The following CCNL2 variants were observed in gnomAD, a reference collection of about 807,000 sequenced individuals.
The protein encoded by CCNL2 is cyclin L2, also known as cyclin-L2.
A neutral mutation model predicts 59.1 loss-of-function variants in CCNL2; 28 were observed. That is an observed-to-expected ratio of 0.47 (90% CI 0.35 to 0.65). The LOEUF is 0.65. Among genes scored for constraint, CCNL2 ranks in the 30% least tolerant of loss-of-function variants. The probability of loss-of-function intolerance (pLI) is 0.00; values close to 1 mark genes in which losing one functional copy is unlikely to be tolerated. For missense variants in CCNL2, 714 were observed against 717.4 expected (o/e 1.00, Z 0.05); for synonymous variants, 342 against 288.6 (o/e 1.19, Z -1.88).
In CCNL2 at chr1:1,390,320, C is replaced by G; in HGVS notation, c.916G>C (p.Glu306Gln). 1 of 1,613,948 alleles carries G rather than the reference C, an allele frequency of 6.2e-7. No homozygotes were observed. The highest frequency in any genetic ancestry group is 1.6e-4 in the Middle Eastern group (1 of 6,062). ...GEVEKRKHAI[E>Q]EAKAQARGLL... is the part of the protein sequence containing the mutation. ...CCCCGGGCTTGGGCCTTTGCCTCTT[C>G]GATAGCGTGCTTTCTTTTTTCCACT... is the stretch of plus-strand genomic sequence containing the variant. Residue 306 changes from glutamate (E) to glutamine (Q), a missense_variant, in exon 8 of 11, where the codon GAA becomes CAA. Transcript: ENST00000400809.
chr1:1,397,144 C>T (rs1007372697), intron 3 of CCNL2, among the ~76,000 whole-genome samples: 2 of 152,172 alleles, frequency 1.3e-5, no homozygotes, highest in African/African-American at 4.8e-5. Context: ...GGCCTCCCAA[C>T]GTGCTGGGAT....
chr1:1,395,322 T>C (rs1305397694), intron 4 of CCNL2, 72 bp downstream of exon 4: 2 of 1,569,216 alleles, frequency 1.3e-6, no homozygotes, highest in African/African-American at 1.4e-5. Flanking sequence ...TCAACTGCAC[T>C]GAGGTGGAGA....
At chr1:1,391,509 A>T (rs746190097) in intron 5 of CCNL2, 7 of 1,300,796 alleles carry the variant, frequency 5.4e-6, no homozygotes, top group Non-Finnish European at 6.1e-6. Flanking sequence ...GAGACTCCGC[A>T]CCCAAGGGCA....
In CCNL2 at chr1:1,399,078, G is replaced by A. The variant is rs747975946; in HGVS notation, c.229C>T (p.Leu77Phe). 117 of 1,611,322 alleles carry A rather than the reference G, an allele frequency of 7.3e-5. No homozygotes were observed. The highest frequency in any genetic ancestry group is 9.2e-5 in the Non-Finnish European group (109 of 1,179,336). Residue 77 changes from leucine to phenylalanine, a missense_variant, in exon 1 of 11, where the codon CTC becomes TTC. Transcript: ENST00000400809. Reference sequence around the variant, plus strand: ...ATGAGCTCGCAGCCCACCACGCGGAGGTCGGTCTCTGTGTCGGTGTCGAGG... The same window carrying A: ...ATGAGCTCGCAGCCCACCACGCGGAAGTCGGTCTCTGTGTCGGTGTCGAGG... ...SGLDTDTETD[L>F]RVVGCELIQA...
In CCNL2 at chr1:1,398,854, G is replaced by A. The variant is rs1010825182; in HGVS notation, c.288+165C>T. The A allele has an allele frequency of 2.9e-6, 4 of 1,357,746 alleles. No individual in the cohort carries two copies. In the African/African-American group the frequency reaches 4.4e-5, roughly 15 times the overall value. 84.1% of individuals were successfully genotyped at this position (1,357,746 alleles called of 1,614,324 possible). ...GCGCACTGGCGGGCGGGGAGGCCCC[G>A]GGTCAGGGGCATGGGCTGGCTAGGG... On this transcript the variant is annotated intron_variant, in intron 1 of 10. Transcript: ENST00000400809.
At position 1,399,185 on chromosome 1, in the gene CCNL2, A is replaced by T. The variant is rs759092412; in HGVS notation, c.122T>A (p.Leu41Gln). Residue 41 changes from leucine to glutamine, a missense_variant, in exon 1 of 11, where the codon CTG becomes CAG. Leu to Gln is a moderately radical substitution (Grantham distance 113). This residue lies in a region of CCNL2 where 270 missense variants were observed against 254.9 expected (regional missense o/e 1.06). Coordinates refer to ENST00000400809, the MANE Select transcript of CCNL2 (RefSeq NM_030937.6). ...GSQGVLIGDRLYSGVLITLEN... is the reference protein window; with the variant it reads ...GSQGVLIGDRQYSGVLITLEN... ...CAAGGTGATGAGCACCCCGGAGTAC[A>T]GCCTGTCCCCGATCAGCACCCCCTG... 43 of 1,610,094 alleles carry T rather than the reference A, an allele frequency of 2.7e-5. No individual in the cohort carries two copies. The highest frequency in any genetic ancestry group is 3.3e-5 in the Non-Finnish European group (39 of 1,178,832).
chr1:1,391,642 A>G, intron 5 of CCNL2: 3 of 879,812 alleles, frequency 3.4e-6, no homozygotes, highest in Non-Finnish European at 4.9e-6. Context: ...ACTGAGAAGC[A>G]ACATAATACT....
Position 1,398,309 on chromosome 1 carries a change from T to A in CCNL2, c.397A>T (p.Lys133Ter). The change falls in exon 3 of 11, where the codon AAG becomes TAG. Residue 133 changes from lysine to a stop codon, truncating the protein, a stop_gained. Coordinates refer to ENST00000400809, the MANE Select transcript of CCNL2 (RefSeq NM_030937.6). LOFTEE classifies it high-confidence loss of function. ...VSMACVHLAS[K>*]IEEAPRRIRD... ...ATGCGTCTTGGGGCCTCTTCTATCT[T>A]GGAAGCCAGGTGGACACAGGCCATT... 6.2e-7 allele frequency: 1 copy of A among 1,614,188 alleles called. No individual in the cohort carries two copies. Among genetic ancestry groups the A allele is most frequent in the African/African-American group, 1.3e-5 (1 of 75,054 alleles).
intron 8 of CCNL2, 101 bp downstream of exon 8, chr1:1,390,129 A>AG: frequency 8.2e-7 from 1 of 1,222,172 alleles, no homozygotes; most frequent in Non-Finnish European, 1.1e-6. Context: ...AAAAAAAAAA[A>AG]AAAATGTCTG....
At position 1,390,773 on chromosome 1, in the gene CCNL2, G is replaced by A. The variant is rs1444646548; in HGVS notation, c.752C>T (p.Thr251Met). The stretch of plus-strand genomic sequence containing the variant: ...TAGTAGCAACACACTGACCTCCAGC[G>A]TCCGGGCAGCAAGATAAATGCAGGC... The part of the protein sequence containing the change: ...ACACIYLAAR[T>M]LEIPLPNRPH... Residue 251 changes from threonine to methionine, a missense_variant, in exon 6 of 11, where the codon ACG becomes ATG. Transcript: ENST00000400809. The A allele has an allele frequency of 6.8e-6, 11 of 1,613,712 alleles. No homozygotes were observed. Among genetic ancestry groups the A allele is most frequent in the East Asian group, 2.2e-5 (1 of 44,898 alleles).
At chr1:1,390,916 T>G in intron 5 of CCNL2, 51 bp from the exon 6 acceptor site, 1 of 1,442,558 alleles carries the variant, frequency 6.9e-7, no homozygotes, top group South Asian at 1.1e-5. Context: ...GGAACCCAGG[T>G]CTTCCGCCTG....
chr1:1,388,169 G>T, intron 8 of CCNL2, 104 bp from the exon 9 acceptor site: 1 of 850,452 alleles, frequency 1.2e-6, no homozygotes, highest in Non-Finnish European at 1.9e-6. Flanking sequence ...AAACAGCGAC[G>T]CAAGCAGACT....
rs998695573 is a variant in CCNL2, at chr1:1,398,624, G to C, written c.336C>G (p.Thr112=). 1.2e-6 allele frequency: 2 copies of C among 1,613,966 alleles called. No individual in the cohort carries two copies. The highest frequency in any genetic ancestry group is 1.7e-6 in the Non-Finnish European group (2 of 1,179,950). The stretch of plus-strand genomic sequence containing the variant: ...CCATGGAGTGCTTCACGAAGGACTT[G>C]GTATAAAAGAACCGCTGGAACAACA... ...GQVLFQRFFY[T]KSFVKHSMEH... Residue 112 remains threonine (T), a synonymous_variant, in exon 2 of 11, where the codon ACC becomes ACG. Transcript: ENST00000400809.
chr1:1,393,964 T>A (rs1262405434), intron 4 of CCNL2, among the ~76,000 whole-genome samples: 1 of 151,984 alleles, frequency 6.6e-6, no homozygotes, highest in Non-Finnish European at 1.5e-5. Flanking sequence ...CAGTCTCTAC[T>A]AAAAATACAA....
intron 3 of CCNL2, 77 bp from the exon 4 acceptor site, chr1:1,395,591 C>A: frequency 1.3e-6 from 2 of 1,581,934 alleles, no homozygotes; most frequent in South Asian, 1.1e-5. Flanking sequence ...TTACCTCCAA[C>A]TATGAGCACC....
Position 1,386,946 on chromosome 1 carries a change from T to G in CCNL2, c.*285A>C. ...GCCAACAAGGGCGTGTGCATTCACT[T>G]TTTCATTGAGCTGCCCTCAGAGCTG... On this transcript the variant is annotated 3_prime_UTR_variant, in exon 11 of 11. Coordinates refer to ENST00000400809, the MANE Select transcript of CCNL2 (RefSeq NM_030937.6). 1 of 373,214 alleles carries G rather than the reference T, an allele frequency of 2.7e-6. No homozygotes were observed. The highest frequency in any genetic ancestry group is 4.8e-6 in the Non-Finnish European group (1 of 207,594). The allele number at this position is 373,214 out of a possible 1,614,324, so 23.1% of individuals were successfully genotyped here. A position where few individuals can be genotyped will look rare whatever the true frequency, so the allele number is the denominator to read the frequency against.
chr1:1,392,872 A>G, intron 5 of CCNL2: 1 of 1,516,640 alleles, frequency 6.6e-7, no homozygotes, highest in South Asian at 1.2e-5. Flanking sequence ...ATAGCACCAG[A>G]CAATTCAGTC....
At chr1:1,391,149 C>G (rs1569930435) in intron 5 of CCNL2, 2 of 1,200,456 alleles carry the variant, frequency 1.7e-6, no homozygotes, top group Non-Finnish European at 2.1e-6. Context: ...AGAGAACCGA[C>G]TTTAACTTTA....
intron 5 of CCNL2, chr1:1,391,260 A>T (rs1165582828): frequency 1.8e-6 from 2 of 1,103,168 alleles, no homozygotes; most frequent in African/African-American, 3.3e-5. Flanking sequence ...AAGAAATCTA[A>T]ATGCTCAAAA....
Sources: gnomAD v4.1 joint callset for allele counts (sites outside exome capture counted in the v4.1 genomes callset) on GRCh38, gnomAD v4.1.1 for gene constraint, gnomAD v4.1.1 regional missense constraint, MANE v1.5 for transcripts, NCBI Gene and HGNC (gene_info 2026-07-23, HGNC 2026-07-21) for gene names.